NDST4: variants seen among roughly 807,000 people sequenced by gnomAD.
The protein encoded by NDST4 is N-deacetylase and N-sulfotransferase 4.
NDST4 carries 63 observed loss-of-function variants against 100.8 expected under a neutral mutation model. The ratio of observed to expected loss-of-function variants is 0.62; its 90% CI spans 0.51 to 0.77. The LOEUF (loss-of-function observed/expected upper bound fraction) is 0.77. Ranked by LOEUF, NDST4 falls within the 30% of genes least tolerant of loss-of-function variation. The pLI is 0.00. For synonymous variants in NDST4, 377 were observed against 361.8 expected, an observed-to-expected ratio of 1.04 and a Z score of -0.48; for missense variants, 943 against 1,018.4, an observed-to-expected ratio of 0.93 and a Z score of 1.01.
intron 6 of NDST4, among the ~76,000 whole-genome samples, chr4:114,902,903 C>A (rs1165724363): frequency 1.3e-5 from 2 of 152,006 alleles, no homozygotes; most frequent in East Asian, 3.9e-4. Flanking sequence ...TTTTGGTCTT[C>A]AGCATTTCTT....
At chr4:114,967,298 G>A (rs989912274) in intron 4 of NDST4, among the ~76,000 whole-genome samples, 7 of 152,006 alleles carry the variant, frequency 4.6e-5, no homozygotes, top group African/African-American at 1.4e-4. Context: ...CATTTTAGTC[G>A]TAATATTTGG....
At chr4:114,991,963 T>G (rs1357003703) in intron 2 of NDST4, among the ~76,000 whole-genome samples, 2 of 151,966 alleles carry the variant, frequency 1.3e-5, no homozygotes, top group African/African-American at 4.8e-5. Context: ...TTTCTAGTAT[T>G]GTTTCTGGTT....
At chr4:114,975,523 T>C (rs1000963552) in intron 3 of NDST4, among the ~76,000 whole-genome samples, 1 of 152,148 alleles carries the variant, frequency 6.6e-6, no homozygotes, top group African/African-American at 2.4e-5. Flanking sequence ...GGAGTGCTGC[T>C]CATTTCCCAG....
chr4:114,898,039 T>C (rs753031058), intron 6 of NDST4, among the ~76,000 whole-genome samples: 1 of 152,192 alleles, frequency 6.6e-6, no homozygotes, highest in Non-Finnish European at 1.5e-5. Context: ...GTATTTCGCA[T>C]AGTAGTTTTT....
intron 9 of NDST4, among the ~76,000 whole-genome samples, chr4:114,846,776 T>A (rs1004938351): frequency 6.6e-6 from 1 of 152,172 alleles, no homozygotes; most frequent in Non-Finnish European, 1.5e-5. Flanking sequence ...AATTAAGAAT[T>A]CATATAAGAC....
intron 2 of NDST4, among the ~76,000 whole-genome samples, chr4:115,069,086 C>T (rs1274089371): frequency 2.0e-5 from 3 of 151,934 alleles, no homozygotes; most frequent in Non-Finnish European, 4.4e-5. Context: ...AAGAAATAAC[C>T]ATCTGCTGGA....
At chr4:114,999,600 C>T (rs1727240635) in intron 2 of NDST4, among the ~76,000 whole-genome samples, 1 of 151,970 alleles carries the variant, frequency 6.6e-6, no homozygotes, top group Non-Finnish European at 1.5e-5. Context: ...AGATTTGAAG[C>T]ACAATAACTG....
intron 2 of NDST4, among the ~76,000 whole-genome samples, chr4:115,027,866 C>A (rs1272556638): frequency 6.6e-6 from 1 of 151,972 alleles, no homozygotes; most frequent in African/African-American, 2.4e-5. Context: ...CCAGCCTGAC[C>A]AACATGGAAA....
At chr4:114,931,546 GA>G (rs1389702990) in intron 6 of NDST4, among the ~76,000 whole-genome samples, 1 of 151,564 alleles carries the variant, frequency 6.6e-6, no homozygotes, top group Non-Finnish European at 1.5e-5. Flanking sequence ...TAGAAAAATA[GA>G]AAATATCAAT....
At chr4:114,919,377 C>G (rs1335589252) in intron 6 of NDST4, among the ~76,000 whole-genome samples, 1 of 152,110 alleles carries the variant, frequency 6.6e-6, no homozygotes, top group Non-Finnish European at 1.5e-5. Flanking sequence ...TAGAGAGTGA[C>G]TGGAAAAAGG....
At chr4:115,040,626 G>T (rs1160641177) in intron 2 of NDST4, among the ~76,000 whole-genome samples, 1 of 151,862 alleles carries the variant, frequency 6.6e-6, no homozygotes, top group African/African-American at 2.4e-5. Context: ...AAAACAATGA[G>T]CATCCCTACA....
intron 1 of NDST4, among the ~76,000 whole-genome samples, chr4:115,092,219 C>T (rs549937956): frequency 6.6e-6 from 1 of 152,124 alleles, no homozygotes; most frequent in African/African-American, 2.4e-5. Context: ...GTGAAGACCC[C>T]CAACCTAAAA....
chr4:115,063,046 T>G (rs537637476), intron 2 of NDST4, among the ~76,000 whole-genome samples: 31 of 152,088 alleles, frequency 2.0e-4, no homozygotes, highest in African/African-American at 7.5e-4. Context: ...AGGATATGTG[T>G]TGCCTCTCCA....
intron 6 of NDST4, among the ~76,000 whole-genome samples, chr4:114,884,253 A>T (rs759337119): frequency 2.0e-5 from 3 of 152,076 alleles, no homozygotes; most frequent in Non-Finnish European, 4.4e-5. Flanking sequence ...TTATTCACAC[A>T]TGCATGTGTG....
chr4:114,904,522 A>C (rs1055256905), intron 6 of NDST4, among the ~76,000 whole-genome samples: 5 of 151,930 alleles, frequency 3.3e-5, no homozygotes, highest in African/African-American at 1.2e-4. Flanking sequence ...AAGTCATAGA[A>C]TAGAAAGAAG....
chr4:114,862,598 C>T (rs1723941082), intron 7 of NDST4, among the ~76,000 whole-genome samples: 2 of 152,088 alleles, frequency 1.3e-5, no homozygotes, highest in Admixed American at 1.3e-4. Flanking sequence ...TCTGTATGTT[C>T]AACTCGGCCA....
chr4:115,008,529 A>G (rs2126259242), intron 2 of NDST4, among the ~76,000 whole-genome samples: 1 of 128,820 alleles, frequency 7.8e-6, no homozygotes, highest in Non-Finnish European at 1.7e-5. Context: ...TATTGATGGG[A>G]CATATCTCAA....
At chr4:115,077,547 T>C (rs1333349877) in intron 1 of NDST4, among the ~76,000 whole-genome samples, 1 of 152,184 alleles carries the variant, frequency 6.6e-6, no homozygotes, top group African/African-American at 2.4e-5. Context: ...GAGATCATTT[T>C]CTAACTAATC....
chr4:114,848,684 C>T (rs1254684847), intron 8 of NDST4, among the ~76,000 whole-genome samples: 1 of 152,182 alleles, frequency 6.6e-6, no homozygotes, highest in South Asian at 2.1e-4. Flanking sequence ...CCTTCTGGCT[C>T]CATCTTTATC....
Sources: allele counts gnomAD v4.1 joint callset (sites outside exome capture counted in the v4.1 genomes callset), GRCh38; gene constraint gnomAD v4.1.1; transcripts MANE v1.5; gene names NCBI Gene and HGNC (gene_info 2026-07-23, HGNC 2026-07-21).